Variants in COPG2 observed in about 807,000 individuals in gnomAD.
The protein encoded by COPG2 is coat protein complex I subunit gamma 2.
A neutral mutation model predicts 46.3 loss-of-function variants in COPG2; 37 were observed. The ratio of observed to expected loss-of-function variants is 0.80; its 90% CI spans 0.61 to 1.05. The LOEUF is 1.05. COPG2 is among the 50% of genes least tolerant of loss of function. The pLI, the probability that COPG2 is intolerant of heterozygous loss-of-function variation, is 0.00. For missense variants in COPG2, 427 were observed against 387.8 expected, an observed-to-expected ratio of 1.10 and a Z score of -0.85; for synonymous variants, 159 against 129.7, an observed-to-expected ratio of 1.23 and a Z score of -1.53.
intron 9 of COPG2, among the ~76,000 whole-genome samples, chr7:130,582,013 G>C (rs1584982643): frequency 6.6e-6 from 1 of 152,186 alleles, no homozygotes; most frequent in East Asian, 1.9e-4. Flanking sequence ...AGTTCATATG[G>C]AACCAAAAAG....
intron 5 of COPG2, among the ~76,000 whole-genome samples, chr7:130,628,187 G>T (rs1795151096): frequency 6.6e-6 from 1 of 151,956 alleles, no homozygotes; most frequent in Admixed American, 6.6e-5. Context: ...TCAGTCTGTG[G>T]TCTGGCTAGT....
At chr7:130,624,226 A>G (rs1482924066) in intron 5 of COPG2, among the ~76,000 whole-genome samples, 2 of 152,162 alleles carry the variant, frequency 1.3e-5, no homozygotes, top group Non-Finnish European at 2.9e-5. Context: ...GGAGGTTAGG[A>G]ATTGAAAATA....
chr7:130,668,606 G>C (rs1301700865), intron 1 of COPG2, 26 bp downstream of exon 1: 101 of 1,518,162 alleles, frequency 6.7e-5, no homozygotes, highest in Non-Finnish European at 8.8e-5. Flanking sequence ...GCGGCTGAGG[G>C]TGGGCCTCGG....
At chr7:130,587,210 G>A (rs1040563566) in intron 9 of COPG2, among the ~76,000 whole-genome samples, 3 of 151,856 alleles carry the variant, frequency 2.0e-5, no homozygotes, top group Non-Finnish European at 4.4e-5. Context: ...GGGAGGCTAA[G>A]GAAGGAGAAT....
At chr7:130,629,537 G>GAT (rs1795187719) in intron 5 of COPG2, among the ~76,000 whole-genome samples, 1 of 151,652 alleles carries the variant, frequency 6.6e-6, no homozygotes, top group South Asian at 2.1e-4. Flanking sequence ...TGGGACTACA[G>GAT]GCACATGCCA....
chr7:130,579,335 G>A (rs1346395220), intron 9 of COPG2, among the ~76,000 whole-genome samples: 1 of 148,400 alleles, frequency 6.7e-6, no homozygotes, highest in African/African-American at 2.5e-5. Flanking sequence ...CCCTAAAAGA[G>A]CTCCTGAAGG....
At chr7:130,645,298 A>G (rs546779504) in intron 5 of COPG2, 2 of 610,314 alleles carry the variant, frequency 3.3e-6, no homozygotes, top group African/African-American at 3.7e-5. Flanking sequence ...CTCCTTCACG[A>G]CGCAATGGGA....
At chr7:130,667,005 A>G in intron 2 of COPG2, 76 bp from the exon 3 acceptor site, 1 of 734,820 alleles carries the variant, frequency 1.4e-6, no homozygotes, top group Admixed American at 3.2e-5. Flanking sequence ...ACTTTAATAC[A>G]GACTATTTTT....
chr7:130,536,707 G>A (rs1346952563), intron 20 of COPG2, among the ~76,000 whole-genome samples: 3 of 152,130 alleles, frequency 2.0e-5, no homozygotes, highest in African/African-American at 7.2e-5. Context: ...CACAGTTCCC[G>A]ACAGACCAGG....
At chr7:130,663,061 T>G (rs1041318605) in intron 3 of COPG2, 23 bp from the exon 4 acceptor site, 8 of 1,397,990 alleles carry the variant, frequency 5.7e-6, no homozygotes, top group Non-Finnish European at 7.7e-6. Flanking sequence ...TAAAACAATT[T>G]TTAAATTTTA....
At chr7:130,523,854 G>A (rs1429838346) in intron 20 of COPG2, among the ~76,000 whole-genome samples, 2 of 152,040 alleles carry the variant, frequency 1.3e-5, no homozygotes, top group African/African-American at 4.8e-5. Flanking sequence ...GGAGGGAGGA[G>A]GCAGGAGGAG....
rs1233132859 is a variant in COPG2 at position 130,666,874 on chromosome 7, G to A, written c.146C>T (p.Thr49Ile). The A allele has an allele frequency of 4.5e-6, 7 of 1,545,224 alleles. No homozygotes were observed. The highest frequency in any genetic ancestry group is 2.3e-5 in the East Asian group (1 of 44,234). The change falls in exon 3 of 24, where the codon ACA becomes ATA. Residue 49 changes from threonine (T) to isoleucine (I), a missense_variant. Coordinates refer to ENST00000425248, the MANE Select transcript of COPG2 (RefSeq NM_012133.6). ...INPRRCLHIL[T>I]KILYLLNQGE... ...CTGGTTCAGTAAGTAAAGAATCTTT[G>A]TAAGAATATGCAAACATCTTCTTGG...
intron 20 of COPG2, among the ~76,000 whole-genome samples, chr7:130,517,572 A>G (rs943501036): frequency 3.3e-5 from 5 of 152,360 alleles, no homozygotes; most frequent in South Asian, 2.1e-4. Context: ...CTTTAAATAC[A>G]TCGGTATTGA....
At chr7:130,569,536 T>C (rs1793858992) in intron 9 of COPG2, among the ~76,000 whole-genome samples, 1 of 151,646 alleles carries the variant, frequency 6.6e-6, no homozygotes. Flanking sequence ...AACAGACCAA[T>C]AACAAGCAGC....
At chr7:130,568,794 T>G (rs1391675510) in intron 9 of COPG2, among the ~76,000 whole-genome samples, 2 of 152,156 alleles carry the variant, frequency 1.3e-5, no homozygotes, top group African/African-American at 4.8e-5. Context: ...TTCTCCAAAA[T>G]AAACCATATG....
chr7:130,556,316 T>C (rs1438740633), intron 12 of COPG2, among the ~76,000 whole-genome samples: 31 of 152,134 alleles, frequency 2.0e-4, no homozygotes, highest in Admixed American at 1.9e-3. Flanking sequence ...GAGGGAGACA[T>C]GATCTCTATC....
Position 130,521,012 on chromosome 7 carries a change from T to C in COPG2, c.2150-12353A>G, listed in dbSNP as rs1242102759. Among the ~76,000 whole-genome samples, 4 of 152,218 alleles carry C rather than the reference T, an allele frequency of 2.6e-5. No homozygotes were observed. The East Asian group carries it at 7.7e-4, about 29-fold the overall frequency. ...AAAGTTTTCTTTTATCATAGTGTTT[T>C]AGTGATGACTGAGAAAATAGGTTGA... On this transcript the variant is annotated intron_variant, in intron 20 of 23. Transcript: ENST00000425248.
At chr7:130,647,945 C>T (rs530381577) in intron 5 of COPG2, among the ~76,000 whole-genome samples, 44 of 151,884 alleles carry the variant, frequency 2.9e-4, no homozygotes, top group Middle Eastern at 3.4e-3. Context: ...TTAGCCAGGA[C>T]GGTCTCGATC....
At chr7:130,542,665 G>A (rs1321449777) in intron 20 of COPG2, among the ~76,000 whole-genome samples, 1 of 152,160 alleles carries the variant, frequency 6.6e-6, no homozygotes, top group Non-Finnish European at 1.5e-5. Flanking sequence ...TGTAGACTGT[G>A]CAAATTTACA....
Sources: gnomAD v4.1 joint callset for allele counts (sites outside exome capture counted in the v4.1 genomes callset) on GRCh38, gnomAD v4.1.1 for gene constraint, MANE v1.5 for transcripts, NCBI Gene and HGNC (gene_info 2026-07-23, HGNC 2026-07-21) for gene names.